MPPED2: variants seen among roughly 807,000 people sequenced by gnomAD.
MPPED2 encodes the protein metallophosphoesterase MPPED2.
A neutral mutation model predicts 33.0 loss-of-function variants in MPPED2; 5 were observed. The ratio of observed to expected loss-of-function variants is 0.15; its 90% CI spans 0.08 to 0.32. The LOEUF (loss-of-function observed/expected upper bound fraction) is 0.32. Among genes scored for constraint, MPPED2 ranks in the 10% least tolerant of loss-of-function variants. The probability of loss-of-function intolerance (pLI) is 1.00; values close to 1 mark genes in which losing one functional copy is unlikely to be tolerated. For missense variants in MPPED2, 275 were observed against 372.1 expected (o/e 0.74, Z 2.15); for synonymous variants, 136 against 141.9 (o/e 0.96, Z 0.29).
intron 6 of MPPED2, among the ~76,000 whole-genome samples, chr11:30,400,953 G>C (rs1947900842): frequency 6.6e-6 from 1 of 151,630 alleles, no homozygotes; most frequent in Admixed American, 6.6e-5. Context: ...ATTTTTAGTA[G>C]AGACAAGGTC....
chr11:30,445,530 C>T (rs1949765062), intron 4 of MPPED2, among the ~76,000 whole-genome samples: 1 of 152,184 alleles, frequency 6.6e-6, no homozygotes, highest in South Asian at 2.1e-4. Flanking sequence ...AGTATACTCA[C>T]ATTATTGTGC....
intron 2 of MPPED2, among the ~76,000 whole-genome samples, chr11:30,568,189 T>C (rs980100827): frequency 6.6e-6 from 1 of 152,186 alleles, no homozygotes; most frequent in Non-Finnish European, 1.5e-5. Flanking sequence ...TTTTGAAGCA[T>C]ATATGATTAT....
chr11:30,495,090 A>G (rs1485680988), intron 4 of MPPED2: 11 of 571,804 alleles, frequency 1.9e-5, no homozygotes, highest in Middle Eastern at 3.7e-4. Context: ...TTTAACTCCT[A>G]TTGATCTTGC....
intron 6 of MPPED2, among the ~76,000 whole-genome samples, chr11:30,412,634 C>T (rs143727158): frequency 2.4e-3 from 362 of 152,256 alleles, no homozygotes; most frequent in Non-Finnish European, 4.2e-3. Context: ...TTAAAATCTG[C>T]GCTGTTTAGT....
At chr11:30,467,435 G>C (rs1950755339) in intron 4 of MPPED2, among the ~76,000 whole-genome samples, 1 of 152,186 alleles carries the variant, frequency 6.6e-6, no homozygotes, top group Non-Finnish European at 1.5e-5. Context: ...CCCAGCTTGG[G>C]AAGGGATCCC....
intron 4 of MPPED2, among the ~76,000 whole-genome samples, chr11:30,424,423 C>T (rs911149443): frequency 3.9e-5 from 6 of 152,160 alleles, no homozygotes; most frequent in South Asian, 2.1e-4. Flanking sequence ...GGCCCCTCTC[C>T]GACTGCACAT....
In MPPED2 at chr11:30,580,405, A is replaced by G. The variant is rs745598300; in HGVS notation, c.-32T>C. ...TCCCTATAGGCATGAGCAATTCACAACTTTACAGAGCAAAAGATGGAAGCA... is the reference window on the plus strand; with the variant it reads ...TCCCTATAGGCATGAGCAATTCACAGCTTTACAGAGCAAAAGATGGAAGCA... On this transcript the variant is annotated 5_prime_UTR_variant, in exon 2 of 7. Transcript: ENST00000358117. The G allele has an allele frequency of 1.4e-5, 23 of 1,611,908 alleles. No homozygotes were observed. In the African/African-American group the frequency reaches 2.5e-4, roughly 18 times the overall value.
intron 4 of MPPED2, among the ~76,000 whole-genome samples, chr11:30,494,808 A>G (rs946281140): frequency 3.3e-5 from 5 of 151,700 alleles, no homozygotes; most frequent in African/African-American, 1.2e-4. Flanking sequence ...AAAATATTGG[A>G]AAAAGGATTG....
intron 4 of MPPED2, among the ~76,000 whole-genome samples, chr11:30,465,758 C>A (rs564117971): frequency 1.3e-5 from 2 of 152,170 alleles, no homozygotes; most frequent in Non-Finnish European, 2.9e-5. Context: ...CTGTGTGGGT[C>A]CACTTATACA....
chr11:30,585,877 G>C (rs1030930286), intron 1 of MPPED2, among the ~76,000 whole-genome samples, 165 bp downstream of exon 1: 2 of 152,210 alleles, frequency 1.3e-5, no homozygotes, highest in African/African-American at 2.4e-5. Flanking sequence ...GGCAGCCCGG[G>C]TCCGCAGCCT....
Position 30,415,289 on chromosome 11 carries a change from A to G in MPPED2, c.653-948T>C, listed in dbSNP as rs1048642218. Among the ~76,000 whole-genome samples, 6 of 152,204 alleles carry G rather than the reference A, an allele frequency of 3.9e-5. No homozygotes were observed. The East Asian group carries it at 1.2e-3, about 29-fold the overall frequency. ...GAGTGACTAGAGAGTCTGAAAATAGATGAAAGTGGGGTCCCCAGCAAAAAT... is the reference window on the plus strand; with the variant it reads ...GAGTGACTAGAGAGTCTGAAAATAGGTGAAAGTGGGGTCCCCAGCAAAAAT... On this transcript the variant is annotated intron_variant, in intron 5 of 6. Transcript: ENST00000358117.
intron 4 of MPPED2, among the ~76,000 whole-genome samples, chr11:30,467,368 G>A (rs1176935487): frequency 6.6e-6 from 1 of 152,160 alleles, no homozygotes; most frequent in Non-Finnish European, 1.5e-5. Flanking sequence ...GCTTAGTGGG[G>A]GAGTGACAAG....
intron 6 of MPPED2, among the ~76,000 whole-genome samples, chr11:30,389,553 C>A (rs1198820267): frequency 6.6e-6 from 1 of 152,192 alleles, no homozygotes; most frequent in Non-Finnish European, 1.5e-5. Flanking sequence ...TCCCTGCTTC[C>A]TTTCCTCAGG....
rs1472066004 is a variant in MPPED2 at position 30,495,407 on chromosome 11, G to A, written c.425C>T (p.Ser142Phe). The A allele has an allele frequency of 6.2e-7, 1 of 1,613,628 alleles. No individual in the cohort carries two copies. Among genetic ancestry groups the A allele is most frequent in the East Asian group, 2.2e-5 (1 of 44,874 alleles). The change falls in exon 4 of 7, where the codon TCC (serine) becomes TTC (phenylalanine). Residue 142 changes from serine (S) to phenylalanine (F), a missense_variant. Physicochemically the swap from Ser to Phe is radical, Grantham distance 155 (BLOSUM62 -2). Transcript: ENST00000358117. Reference protein sequence around the residue: ...KQDYYRFPSVSKLKPEDFDNV... With the variant: ...KQDYYRFPSVFKLKPEDFDNV... ...GTCAAAGTCCTCTGGTTTCAATTTGGACACAGAGGGGAAACGGTAGTAGTC... is the reference window on the plus strand; with the variant it reads ...GTCAAAGTCCTCTGGTTTCAATTTGAACACAGAGGGGAAACGGTAGTAGTC...
chr11:30,415,015 A>C (rs1948280198), intron 5 of MPPED2, among the ~76,000 whole-genome samples: 1 of 152,204 alleles, frequency 6.6e-6, no homozygotes, highest in Non-Finnish European at 1.5e-5. Context: ...AATTATAGCA[A>C]AAGTCAGCTA....
chr11:30,515,489 G>A (rs900775186), intron 3 of MPPED2, among the ~76,000 whole-genome samples: 3 of 152,130 alleles, frequency 2.0e-5, no homozygotes, highest in African/African-American at 7.2e-5. Flanking sequence ...ATAGAAACTA[G>A]GGGCTAGAGA....
intron 4 of MPPED2, among the ~76,000 whole-genome samples, chr11:30,483,161 C>T (rs1191101199): frequency 1.3e-5 from 2 of 152,174 alleles, no homozygotes; most frequent in African/African-American, 4.8e-5. Context: ...ATTGTACACA[C>T]ACATTTGGGT....
At chr11:30,562,694 GA>G (rs141413804) in intron 2 of MPPED2, among the ~76,000 whole-genome samples, 11,318 of 152,036 alleles carry the variant, frequency 0.074, 1,438 homozygotes, top group African/African-American at 0.26. Flanking sequence ...TTCTGTACTA[GA>G]AACCAGCAGT....
At chr11:30,387,621 T>C (rs1358119213) in exon 7 of MPPED2, 1 of 152,226 alleles carries the variant, frequency 6.6e-6, no homozygotes, top group African/African-American at 2.4e-5. Context: ...CACTCAACGT[T>C]AATGAATTTC....
Sources: gnomAD v4.1 joint callset for allele counts (sites outside exome capture counted in the v4.1 genomes callset) on GRCh38, gnomAD v4.1.1 for gene constraint, MANE v1.5 for transcripts, NCBI Gene and HGNC (gene_info 2026-07-23, HGNC 2026-07-21) for gene names.